SOX5: variants seen among roughly 807,000 people sequenced by gnomAD.
SOX5 encodes the protein transcription factor SOX-5.
In SOX5, 9 loss-of-function variants were observed where a neutral mutation model predicts 92.0. The ratio of observed to expected loss-of-function variants is 0.10; its 90% CI spans 0.06 to 0.17. The LOEUF (loss-of-function observed/expected upper bound fraction) is 0.17, where lower values mean the gene tolerates loss of function less well. Ranked by LOEUF, SOX5 falls within the 10% of genes least tolerant of loss-of-function variation. The pLI is 1.00. For synonymous variants in SOX5, 344 were observed against 336.3 expected (o/e 1.02, Z -0.25); for missense variants, 642 against 944.5 (o/e 0.68, Z 4.20).
At chr12:23,804,918 TATATATATATATATATATA>T (rs1567906713) in intron 3 of SOX5, among the ~76,000 whole-genome samples, 7 of 4,030 alleles carry the variant, frequency 1.7e-3, no homozygotes, top group South Asian at 0.013. Context: ...CATTGTTTTA[TATATATATATATATATATA>T]TATATATATA....
intron 7 of SOX5, among the ~76,000 whole-genome samples, chr12:23,650,578 T>A (rs1287891727): frequency 6.6e-6 from 1 of 152,114 alleles, no homozygotes; most frequent in Non-Finnish European, 1.5e-5. Context: ...CTTTCTTTCA[T>A]GTCATGGGCT....
At chr12:24,250,266 A>T (rs1246706798) in intron 3 of SOX5, among the ~76,000 whole-genome samples, 7 of 152,230 alleles carry the variant, frequency 4.6e-5, no homozygotes, top group Non-Finnish European at 7.3e-5. Context: ...TCCTCGATAT[A>T]ATTTATTCAC....
chr12:23,925,242 A>G (rs1464690531), intron 1 of SOX5, among the ~76,000 whole-genome samples: 2 of 152,092 alleles, frequency 1.3e-5, no homozygotes, highest in Admixed American at 1.3e-4. Flanking sequence ...TCAAAAATGC[A>G]TAGTATGTCT....
chr12:23,533,656 G>A lies in SOX5; in HGVS notation c.*563C>T, dbSNP rs1275704125. 2.6e-5 allele frequency: 4 copies of A among 152,710 alleles called. No homozygotes were observed. Among genetic ancestry groups the A allele is most frequent in the Admixed American group, 6.5e-5 (1 of 15,310 alleles). 9.5% of individuals were successfully genotyped at this position (152,710 alleles called of 1,614,324 possible). On this transcript the variant is annotated 3_prime_UTR_variant, in exon 15 of 15. Coordinates refer to ENST00000451604, the MANE Select transcript of SOX5 (RefSeq NM_006940.6). The stretch of plus-strand genomic sequence containing the variant: ...CTTCCATCTTTAAAGTAGAGAGATG[G>A]AGAAGGTGGAGAGAAGTAAAGAGAA...
chr12:24,497,631 G>A (rs1947777045), intron 1 of SOX5, among the ~76,000 whole-genome samples: 1 of 152,178 alleles, frequency 6.6e-6, no homozygotes, highest in Non-Finnish European at 1.5e-5. Flanking sequence ...CATTGTGGAA[G>A]ACAGTGTGGT....
At chr12:24,010,790 T>A (rs1952825082) in intron 4 of SOX5, among the ~76,000 whole-genome samples, 1 of 151,572 alleles carries the variant, frequency 6.6e-6, no homozygotes, top group South Asian at 2.1e-4. Context: ...CAAAAAAAAA[T>A]TAGCCCGGTG....
intron 2 of SOX5, among the ~76,000 whole-genome samples, chr12:24,286,059 C>T (rs1300429071): frequency 6.6e-6 from 1 of 152,000 alleles, no homozygotes; most frequent in Admixed American, 6.6e-5. Context: ...CTTTAACCTG[C>T]TTTAATATAA....
At chr12:24,214,496 T>A (rs956662276) in intron 3 of SOX5, among the ~76,000 whole-genome samples, 1 of 152,116 alleles carries the variant, frequency 6.6e-6, no homozygotes, top group Non-Finnish European at 1.5e-5. Flanking sequence ...GGGAAGTTCA[T>A]CAGCTATTGT....
chr12:23,864,968 C>T (rs1033145009), intron 2 of SOX5, among the ~76,000 whole-genome samples: 1 of 152,160 alleles, frequency 6.6e-6, no homozygotes, highest in African/African-American at 2.4e-5. Flanking sequence ...TGCTTGGCTT[C>T]GACGCTTCAA....
chr12:23,529,574 A>G lies in SOX5; in HGVS notation c.*4645T>C, dbSNP rs186835214. 1.3e-5 allele frequency: 2 copies of G among 152,254 alleles called. No individual in the cohort carries two copies. The highest frequency in any genetic ancestry group is 1.3e-4 in the Admixed American group (2 of 15,292). The allele number at this position is 152,254 out of a possible 1,614,324, so 9.4% of individuals were successfully genotyped here. A position where few individuals can be genotyped will look rare whatever the true frequency, so the allele number is the denominator to read the frequency against. On this transcript the variant is annotated 3_prime_UTR_variant, in exon 15 of 15. Transcript: ENST00000451604. ...ATACTGAAAAAGGAGAATGCAAAAA[A>G]ATAAAATAAAATAAACAAAAAACAA...
chr12:24,380,393 C>A (rs1247926989), intron 1 of SOX5, among the ~76,000 whole-genome samples: 16 of 152,192 alleles, frequency 1.1e-4, no homozygotes, highest in Non-Finnish European at 2.1e-4. Context: ...GTGACCTCAT[C>A]CAGATTCATA....
intron 4 of SOX5, among the ~76,000 whole-genome samples, chr12:24,057,994 A>C (rs1004324499): frequency 6.6e-6 from 1 of 152,254 alleles, no homozygotes; most frequent in Non-Finnish European, 1.5e-5. Flanking sequence ...AATGTGCCAT[A>C]AAGTAAATCC....
upstream of SOX5, chr12:23,949,802 C>T (rs1022073514): frequency 2.0e-5 from 9 of 446,034 alleles, no homozygotes; most frequent in African/African-American, 2.3e-4. Context: ...CTTTCTCCCC[C>T]CCTCCTTCCC....
chr12:24,126,623 C>T (rs183009876), intron 4 of SOX5, among the ~76,000 whole-genome samples: 14 of 152,356 alleles, frequency 9.2e-5, no homozygotes, highest in Admixed American at 2.6e-4. Flanking sequence ...AAATAAGCCA[C>T]AGAAACATTG....
chr12:24,493,266 A>T (rs1000675015), intron 1 of SOX5, among the ~76,000 whole-genome samples: 2 of 152,340 alleles, frequency 1.3e-5, no homozygotes, highest in East Asian at 1.9e-4. Context: ...AGTATTCAAA[A>T]TATTCAAAAC....
At chr12:23,537,858 C>T (rs539726074) in intron 13 of SOX5, among the ~76,000 whole-genome samples, 2 of 152,072 alleles carry the variant, frequency 1.3e-5, no homozygotes, top group South Asian at 4.2e-4. Flanking sequence ...TGTTACAGTT[C>T]TCAAAGGCGG....
chr12:24,247,552 G>C (rs922875478), intron 3 of SOX5, among the ~76,000 whole-genome samples: 11 of 152,140 alleles, frequency 7.2e-5, no homozygotes, highest in Admixed American at 2.0e-4. Context: ...GGTAAGGCTG[G>C]GGGAGTTGTA....
chr12:23,681,612 C>T (rs1403329791), intron 6 of SOX5, among the ~76,000 whole-genome samples: 2 of 151,688 alleles, frequency 1.3e-5, no homozygotes. Context: ...TAGAATTAGA[C>T]AAAATAGACT....
intron 4 of SOX5, among the ~76,000 whole-genome samples, chr12:24,178,265 T>A (rs374192670): frequency 8.6e-6 from 1 of 116,368 alleles, no homozygotes; most frequent in East Asian, 2.3e-4. Flanking sequence ...TTTTTTTTTT[T>A]CCCATTTAAG....
Sources: allele counts gnomAD v4.1 joint callset (sites outside exome capture counted in the v4.1 genomes callset), GRCh38; gene constraint gnomAD v4.1.1; transcripts MANE v1.5; gene names NCBI Gene and HGNC (gene_info 2026-07-23, HGNC 2026-07-21).